RRAGD: variants seen among roughly 807,000 people sequenced by gnomAD.
RRAGD encodes the protein ras-related GTP-binding protein D.
RRAGD carries 12 observed loss-of-function variants against 35.5 expected under a neutral mutation model. The ratio of observed to expected loss-of-function variants is 0.34; its 90% CI spans 0.22 to 0.55. RRAGD has a LOEUF of 0.55. Ranked by LOEUF, RRAGD falls within the 20% of genes least tolerant of loss-of-function variation. RRAGD has a pLI of 0.91. For synonymous variants in RRAGD, 155 were observed against 178.9 expected, an observed-to-expected ratio of 0.87 and a Z score of 1.07; for missense variants, 324 against 490.1, an observed-to-expected ratio of 0.66 and a Z score of 3.20.
chr6:89,368,028 A>T lies in RRAGD; in HGVS notation c.*28T>A, dbSNP rs1329798206. ...GCAGCAGCCTCATGGATAAGGTCTG[A>T]TTTCAAAAGACATTCCTGAAACCTC... is the stretch of plus-strand genomic sequence containing the variant. On this transcript the variant is annotated 3_prime_UTR_variant, in exon 7 of 7. Transcript: ENST00000369415. The T allele has an allele frequency of 1.3e-6, 2 of 1,568,002 alleles. No individual in the cohort carries two copies. Among genetic ancestry groups the T allele is most frequent in the Non-Finnish European group, 1.7e-6 (2 of 1,157,310 alleles).
At chr6:89,372,612 G>T in intron 5 of RRAGD, 27 bp from the exon 6 acceptor site, 1 of 1,504,348 alleles carries the variant, frequency 6.6e-7, no homozygotes, top group Non-Finnish European at 8.8e-7. Context: ...ACCAAAACAT[G>T]TGACCATTGA....
chr6:89,405,577 C>T (rs902108333), intron 1 of RRAGD, among the ~76,000 whole-genome samples: 8 of 151,864 alleles, frequency 5.3e-5, no homozygotes, highest in Admixed American at 2.0e-4. Flanking sequence ...CAAGGACACA[C>T]GCACAGGACA....
chr6:89,368,405 T>C (rs1419291282), intron 6 of RRAGD, among the ~76,000 whole-genome samples, 198 bp from the exon 7 acceptor site: 1 of 152,210 alleles, frequency 6.6e-6, no homozygotes, highest in East Asian at 1.9e-4. Flanking sequence ...CAAAGTCTTG[T>C]GAAGGAAGAT....
chr6:89,390,227 A>G (rs1769206372), intron 1 of RRAGD, among the ~76,000 whole-genome samples: 1 of 152,254 alleles, frequency 6.6e-6, no homozygotes, highest in Admixed American at 6.5e-5. Context: ...TTAAAAGTAA[A>G]AAGACAACAT....
Position 89,379,205 on chromosome 6 carries a change from A to G in RRAGD, c.759+19T>C. 2.4e-6 allele frequency: 3 copies of G among 1,270,376 alleles called. No homozygotes were observed. The highest frequency in any genetic ancestry group is 2.3e-5 in the East Asian group (1 of 42,572). The allele number at this position is 1,270,376 out of a possible 1,614,324, so 78.7% of individuals were successfully genotyped here. On this transcript the variant is annotated intron_variant, in intron 4 of 6. Transcript: ENST00000369415. ...TTCAAATTCTACAAGTGACTCAAAC[A>G]GGAATATTATTTACTTACTGAGATA...
Position 89,411,300 on chromosome 6 carries a change from CCCCCG to C in RRAGD, c.148+541_148+545del, listed in dbSNP as rs1268328281. The C allele has an allele frequency of 6.6e-6, 1 of 152,396 alleles. No homozygotes were observed. Among genetic ancestry groups the C allele is most frequent in the African/African-American group, 2.4e-5 (1 of 41,462 alleles). The allele number at this position is 152,396 out of a possible 1,614,324, so 9.4% of individuals were successfully genotyped here. On this transcript the variant is annotated intron_variant, in intron 1 of 6. Coordinates refer to ENST00000369415, the MANE Select transcript of RRAGD (RefSeq NM_021244.5). This position sits in a 1 kb window ranked among gnomAD's most constrained non-coding sequence, Gnocchi z 5.6. ...CTCCCACAACAGCTTGGCGAGCATCCCCCCGCCGCCCCGCGGGTCTCCCCAGCCAC... is the reference window on the plus strand; with the variant it reads ...CTCCCACAACAGCTTGGCGAGCATCCCCGCCCCGCGGGTCTCCCCAGCCAC...
intron 3 of RRAGD, 84 bp from the exon 4 acceptor site, chr6:89,379,422 T>C (rs1769005258): frequency 6.0e-6 from 4 of 661,340 alleles, no homozygotes; most frequent in South Asian, 1.9e-5. Flanking sequence ...ACCGGTAATC[T>C]GCCTTCTGTA....
rs1043916437 is a variant in RRAGD, at chr6:89,412,194, C to T, written c.-201G>A. Reference sequence around the variant, plus strand: ...GCGGTTCCCAGCGCGCCCGAAGCCCCCTCCCCCGCCCCGCCCGCCGGCGGA... The same window carrying T: ...GCGGTTCCCAGCGCGCCCGAAGCCCTCTCCCCCGCCCCGCCCGCCGGCGGA... On this transcript the variant is annotated 5_prime_UTR_variant, in exon 1 of 7. Transcript: ENST00000369415. The surrounding 1 kb of genome is among the most constrained non-coding windows in gnomAD (Gnocchi z 4.2). 10 of 337,868 alleles carry T rather than the reference C, an allele frequency of 3.0e-5. No individual in the cohort carries two copies. The highest frequency in any genetic ancestry group is 8.0e-4 in the Middle Eastern group (1 of 1,246). The allele number at this position is 337,868 out of a possible 1,614,324, so 20.9% of individuals were successfully genotyped here.
intron 4 of RRAGD, 93 bp downstream of exon 4, chr6:89,379,131 C>T (rs1184113236): frequency 4.8e-6 from 3 of 624,250 alleles, no homozygotes; most frequent in Non-Finnish European, 8.3e-6. Context: ...CCTTGAAATG[C>T]TATAGAAGCA....
intron 5 of RRAGD, among the ~76,000 whole-genome samples, chr6:89,373,001 T>A (rs2127884727): frequency 6.6e-6 from 1 of 152,354 alleles, no homozygotes; most frequent in Non-Finnish European, 1.5e-5. Flanking sequence ...AGCCAAGTGC[T>A]AGACTGGATC....
intron 5 of RRAGD, among the ~76,000 whole-genome samples, chr6:89,375,724 T>C (rs1768923465): frequency 6.6e-6 from 1 of 152,230 alleles, no homozygotes; most frequent in Non-Finnish European, 1.5e-5. Flanking sequence ...CAGCAAACAA[T>C]CTGAGGAAAC....
In RRAGD at chr6:89,377,799, T is replaced by C. The variant is rs951706326; in HGVS notation, c.774A>G (p.Glu258=). 1 of 1,597,858 alleles carries C rather than the reference T, an allele frequency of 6.3e-7. No homozygotes were observed. Among genetic ancestry groups the C allele is most frequent in the Non-Finnish European group, 8.5e-7 (1 of 1,175,650 alleles). The change falls in exon 5 of 7, where the codon GAA becomes GAG. Residue 258 remains glutamate (E), a synonymous_variant. Transcript: ENST00000369415. ...TGACCACATCAAATAGAAATGCCTT[T>C]TCAATTCCAGAATTCTGAAATTTAA... The part of the protein sequence containing the change: ...LNIFISNSGI[E]KAFLFDVVSK...
intron 1 of RRAGD, among the ~76,000 whole-genome samples, chr6:89,388,840 G>A (rs1769181005): frequency 6.6e-6 from 1 of 152,204 alleles, no homozygotes; most frequent in Non-Finnish European, 1.5e-5. Context: ...AGTCCCATGT[G>A]GGGTTGATGG....
Position 89,380,247 on chromosome 6 carries a change from TGTG to T in RRAGD, c.562_564del (p.His188del), listed in dbSNP as rs760739962. ...TGAATATCTCTTTGGGTTTCAATTT[TGTG>T]GTCATCTGACAGACCATCCACTTTA... On this transcript the variant is annotated inframe_deletion, in exon 3 of 7. Coordinates refer to ENST00000369415, the MANE Select transcript of RRAGD (RefSeq NM_021244.5). 9 of 1,614,146 alleles carry T rather than the reference TGTG, an allele frequency of 5.6e-6. No individual in the cohort carries two copies. The highest frequency in any genetic ancestry group is 7.6e-6 in the Non-Finnish European group (9 of 1,180,050).
rs1291666167 is a variant in RRAGD at position 89,411,637 on chromosome 6, G to C, written c.148+209C>G. On this transcript the variant is annotated intron_variant, in intron 1 of 6. Transcript: ENST00000369415. The surrounding 1 kb of genome is among the most constrained non-coding windows in gnomAD (Gnocchi z 5.6). ...CTCCTTCCCCTTTTCCACCGATCCT[G>C]GTTGCCCCTCCGCCACCAGCACCGC... 1.7e-6 allele frequency: 1 copy of C among 582,324 alleles called. No homozygotes were observed. The highest frequency in any genetic ancestry group is 3.2e-5 in the Admixed American group (1 of 31,736). 36.1% of individuals were successfully genotyped at this position (582,324 alleles called of 1,614,324 possible).
rs1402565485 is a variant in RRAGD at position 89,366,863 on chromosome 6, GA to G, written c.*1192del. On this transcript the variant is annotated 3_prime_UTR_variant, in exon 7 of 7. Coordinates refer to ENST00000369415, the MANE Select transcript of RRAGD (RefSeq NM_021244.5). Reference sequence around the variant, plus strand: ...ACTGACCTTTAGGGGTCTTCAGGATGACTCTTCAGCCTTGCAGAGCATGCTG... The same window carrying G: ...ACTGACCTTTAGGGGTCTTCAGGATGCTCTTCAGCCTTGCAGAGCATGCTG... 2 of 152,194 alleles carry G rather than the reference GA, an allele frequency of 1.3e-5. No individual in the cohort carries two copies. The highest frequency in any genetic ancestry group is 1.5e-5 in the Non-Finnish European group (1 of 68,046). The allele number at this position is 152,194 out of a possible 1,614,324, so 9.4% of individuals were successfully genotyped here.
intron 1 of RRAGD, among the ~76,000 whole-genome samples, chr6:89,406,757 G>A (rs1582526585): frequency 6.6e-6 from 1 of 152,288 alleles, no homozygotes; most frequent in East Asian, 1.9e-4. Flanking sequence ...TAACTGAGCT[G>A]GTTAACACAA....
In RRAGD at chr6:89,370,736, C is replaced by G. The variant is rs955970498; in HGVS notation, c.1051+1701G>C. Among the ~76,000 whole-genome samples, 44 of 151,850 alleles carry G rather than the reference C, an allele frequency of 2.9e-4. 1 individual carries two copies. Among genetic ancestry groups the G allele is most frequent in the African/African-American group, 1.1e-3 (44 of 41,330 alleles). ...TTAAAATGATGTGGTTAAAAAAAGACGGTGAATTGGAAACATGTCTGTAAT... is the reference window on the plus strand; with the variant it reads ...TTAAAATGATGTGGTTAAAAAAAGAGGGTGAATTGGAAACATGTCTGTAAT... On this transcript the variant is annotated intron_variant, in intron 6 of 6. Transcript: ENST00000369415.
chr6:89,410,200 C>A (rs1769666742), intron 1 of RRAGD, among the ~76,000 whole-genome samples: 2 of 152,180 alleles, frequency 1.3e-5, no homozygotes, highest in South Asian at 4.1e-4. Flanking sequence ...AGTACTTTTT[C>A]TGGACCCTCC....
Sources: allele counts gnomAD v4.1 joint callset (sites outside exome capture counted in the v4.1 genomes callset), GRCh38; gene constraint gnomAD v4.1.1; non-coding constraint Gnocchi (gnomAD v3.1); transcripts MANE v1.5; gene names NCBI Gene and HGNC (gene_info 2026-07-23, HGNC 2026-07-21).